The following TMEM117 variants were observed in gnomAD, a reference collection of about 807,000 sequenced individuals.
TMEM117 encodes the protein transmembrane protein 117.
In TMEM117, 27 loss-of-function variants were observed where a neutral mutation model predicts 52.4. That is an observed-to-expected ratio of 0.51 (90% CI 0.38 to 0.71). The LOEUF (loss-of-function observed/expected upper bound fraction) is 0.71, where lower values mean the gene tolerates loss of function less well. TMEM117 is among the 30% of genes least tolerant of loss of function. The pLI is 0.00. For synonymous variants in TMEM117, 215 were observed against 206.3 expected (o/e 1.04, Z -0.36); for missense variants, 556 against 630.5 (o/e 0.88, Z 1.26).
intron 3 of TMEM117, among the ~76,000 whole-genome samples, chr12:43,993,790 G>T (rs1203637780): frequency 1.3e-5 from 2 of 152,042 alleles, no homozygotes; most frequent in Non-Finnish European, 2.9e-5. Flanking sequence ...AACCTCCAGG[G>T]CTCAAGTGAT....
intron 3 of TMEM117, among the ~76,000 whole-genome samples, chr12:44,124,035 C>T (rs1422135334): frequency 7.5e-6 from 1 of 133,950 alleles, no homozygotes; most frequent in Non-Finnish European, 1.5e-5. Context: ...TATCCATGAG[C>T]ATGGAATTTT....
chr12:43,923,212 G>T (rs1944724527), intron 2 of TMEM117, among the ~76,000 whole-genome samples: 4 of 152,162 alleles, frequency 2.6e-5, no homozygotes, highest in Admixed American at 2.6e-4. Flanking sequence ...CTAGGGAATA[G>T]ACATTCCACA....
chr12:44,270,356 T>G (rs1950431262), intron 5 of TMEM117, among the ~76,000 whole-genome samples: 1 of 152,100 alleles, frequency 6.6e-6, no homozygotes, highest in Non-Finnish European at 1.5e-5. Flanking sequence ...TATTATATAT[T>G]TATTTATTTA....
At position 44,164,749 on chromosome 12, in the gene TMEM117, T is replaced by C. The variant is rs1040615193; in HGVS notation, c.510+21125T>C. Among the ~76,000 whole-genome samples, 12 of 152,222 alleles carry C rather than the reference T, an allele frequency of 7.9e-5. 1 individual carries two copies. The highest frequency in any genetic ancestry group is 2.6e-4 in the Admixed American group (4 of 15,284). Reference sequence around the variant, plus strand: ...GCAGAAGGTGTGAGCCTGTCAGTACTCTGAGAATCACTTAAACCATGATCT... The same window carrying C: ...GCAGAAGGTGTGAGCCTGTCAGTACCCTGAGAATCACTTAAACCATGATCT... On this transcript the variant is annotated intron_variant, in intron 4 of 7. Coordinates refer to ENST00000266534, the MANE Select transcript of TMEM117 (RefSeq NM_032256.3).
chr12:44,293,505 T>C (rs1950730832), intron 5 of TMEM117, among the ~76,000 whole-genome samples: 1 of 152,124 alleles, frequency 6.6e-6, no homozygotes, highest in Admixed American at 6.5e-5. Context: ...TTTCTTTTTC[T>C]CCTGCTGTCT....
intron 4 of TMEM117, among the ~76,000 whole-genome samples, chr12:44,196,429 G>A (rs1264731465): frequency 6.6e-6 from 1 of 152,098 alleles, no homozygotes; most frequent in African/African-American, 2.4e-5. Context: ...AGATGCAGCA[G>A]AGATCAAAGA....
At chr12:43,888,436 G>A (rs1944038370) in intron 2 of TMEM117, among the ~76,000 whole-genome samples, 1 of 151,928 alleles carries the variant, frequency 6.6e-6, no homozygotes, top group African/African-American at 2.4e-5. Flanking sequence ...CGAATGAATT[G>A]CTTATGGAAA....
chr12:43,837,088 T>C (rs898254527), intron 1 of TMEM117, among the ~76,000 whole-genome samples: 1 of 152,196 alleles, frequency 6.6e-6, no homozygotes, highest in African/African-American at 2.4e-5. Flanking sequence ...TGGATATACT[T>C]TCTTTTATCC....
chr12:43,986,491 T>C (rs556095523), intron 3 of TMEM117, among the ~76,000 whole-genome samples: 2 of 152,304 alleles, frequency 1.3e-5, no homozygotes, highest in Admixed American at 1.3e-4. Flanking sequence ...ATGATTTTTT[T>C]CCTTCCATTA....
At chr12:43,911,258 T>A (rs1340162206) in intron 2 of TMEM117, among the ~76,000 whole-genome samples, 1 of 59,244 alleles carries the variant, frequency 1.7e-5, no homozygotes, top group African/African-American at 3.4e-5. Context: ...GGATTCCCTA[T>A]TTAATAAATG....
At chr12:43,813,395 C>A in the TMEM117 span, among the ~76,000 whole-genome samples, 1 of 151,806 alleles carries the variant, frequency 6.6e-6, no homozygotes, top group South Asian at 2.1e-4. Flanking sequence ...AGGCGCCTGC[C>A]ACCATGCCTG....
At chr12:44,315,083 G>T (rs1312381239) in intron 6 of TMEM117, among the ~76,000 whole-genome samples, 1 of 152,120 alleles carries the variant, frequency 6.6e-6, no homozygotes, top group Non-Finnish European at 1.5e-5. Context: ...TTGTGTTTCT[G>T]TGGAATTGGT....
chr12:44,267,530 ATAAT>A (rs1417566088), intron 5 of TMEM117, among the ~76,000 whole-genome samples: 1 of 152,222 alleles, frequency 6.6e-6, no homozygotes, highest in Admixed American at 6.5e-5. Context: ...TATGATAAGA[ATAAT>A]TAATGTTAAG....
intron 4 of TMEM117, among the ~76,000 whole-genome samples, chr12:44,187,509 C>G (rs1273247220): frequency 1.3e-5 from 2 of 152,048 alleles, no homozygotes; most frequent in African/African-American, 4.8e-5. Context: ...ATGCTTAGCA[C>G]TCAGTAATGT....
chr12:43,830,354 A>T, the TMEM117 span, among the ~76,000 whole-genome samples: 1 of 151,860 alleles, frequency 6.6e-6, no homozygotes, highest in African/African-American at 2.4e-5. Flanking sequence ...CATGCCTGTA[A>T]TCCCAGCACT....
At position 43,848,728 on chromosome 12, in the gene TMEM117, T is replaced by C. The variant is rs140988631; in HGVS notation, c.277+3800T>C. On this transcript the variant is annotated intron_variant, in intron 2 of 7. Coordinates refer to ENST00000266534, the MANE Select transcript of TMEM117 (RefSeq NM_032256.3). ...GACATACATCCTCAGCTTACGAAGA[T>C]AACAGGATTAAGAGATTAAAGACGG... Among the ~76,000 whole-genome samples, 1,179 of 152,290 alleles carry C rather than the reference T, an allele frequency of 7.7e-3. 27 individuals carry two copies. The highest frequency in any genetic ancestry group is 0.042 in the East Asian group (218 of 5,186).
At chr12:44,167,496 G>A (rs1355196222) in intron 4 of TMEM117, among the ~76,000 whole-genome samples, 2 of 151,948 alleles carry the variant, frequency 1.3e-5, no homozygotes, top group Non-Finnish European at 2.9e-5. Flanking sequence ...GTGAAACCCC[G>A]TCTCTACTAA....
intron 3 of TMEM117, among the ~76,000 whole-genome samples, chr12:43,959,483 A>G (rs1397811655): frequency 6.6e-6 from 1 of 152,180 alleles, no homozygotes; most frequent in African/African-American, 2.4e-5. Flanking sequence ...ATTTTTGTTA[A>G]GTTCACCATT....
chr12:43,901,386 C>G (rs1944302329), intron 2 of TMEM117, among the ~76,000 whole-genome samples: 1 of 152,152 alleles, frequency 6.6e-6, no homozygotes, highest in African/African-American at 2.4e-5. Flanking sequence ...TCTCGGCTCA[C>G]TGCAACCTCC....
Sources: gnomAD v4.1 joint callset for allele counts (sites outside exome capture counted in the v4.1 genomes callset) on GRCh38, gnomAD v4.1.1 for gene constraint, MANE v1.5 for transcripts, NCBI Gene and HGNC (gene_info 2026-07-23, HGNC 2026-07-21) for gene names.